The following AURKA variants were observed in gnomAD, a reference collection of about 807,000 sequenced individuals.
The protein encoded by AURKA is aurora kinase A.
Under a neutral mutation model 40.9 loss-of-function variants are expected in AURKA, and 12 were observed. The ratio of observed to expected loss-of-function variants is 0.29; its 90% CI spans 0.19 to 0.48. The LOEUF (loss-of-function observed/expected upper bound fraction) is 0.48, where lower values mean the gene tolerates loss of function less well. AURKA is among the 20% of genes least tolerant of loss of function. The pLI is 0.99. For synonymous variants in AURKA, 170 were observed against 164.3 expected, an observed-to-expected ratio of 1.03 and a Z score of -0.26; for missense variants, 322 against 462.1, an observed-to-expected ratio of 0.70 and a Z score of 2.78.
At chr20:56,386,618 AG>A in intron 2 of AURKA, 85 bp from the exon 3 acceptor site, 1 of 1,475,952 alleles carries the variant, frequency 6.8e-7, no homozygotes, top group South Asian at 1.2e-5. Flanking sequence ...TTTGTTCTCT[AG>A]TATAGCAAAA....
At chr20:56,389,963 C>T (rs1282977776) in intron 1 of AURKA, among the ~76,000 whole-genome samples, 1 of 152,198 alleles carries the variant, frequency 6.6e-6, no homozygotes, top group Admixed American at 6.5e-5. Context: ...AATGGCCTCC[C>T]CACTTCCACC....
chr20:56,391,431 G>C (rs1987098507), intron 1 of AURKA, among the ~76,000 whole-genome samples: 1 of 152,186 alleles, frequency 6.6e-6, no homozygotes, highest in Non-Finnish European at 1.5e-5. Flanking sequence ...CAGACGATTT[G>C]TATGCACCGG....
rs1354633707 is a variant in AURKA at position 56,384,297 on chromosome 20, G to A, written c.347C>T (p.Ser116Leu). The change falls in exon 4 of 9, where the codon TCA becomes TTA. Residue 116 changes from serine to leucine, a missense_variant. Physicochemically the swap from Ser to Leu is moderately radical, Grantham distance 145 (BLOSUM62 -2). Transcript: ENST00000395915. Reference sequence around the variant, plus strand: ...TTTTGATTCTTCATTTTTCTGTTTTGATGCCAGTTCCTCCTCAGGATTATT... The same window carrying A: ...TTTTGATTCTTCATTTTTCTGTTTTAATGCCAGTTCCTCCTCAGGATTATT... Reference protein sequence around the residue: ...PENNPEEELASKQKNEESKKR... With the variant: ...PENNPEEELALKQKNEESKKR... The A allele has an allele frequency of 6.2e-7, 1 of 1,601,844 alleles. No homozygotes were observed. The highest frequency in any genetic ancestry group is 8.5e-7 in the Non-Finnish European group (1 of 1,170,172).
Position 56,373,623 on chromosome 20 carries a change from C to A in AURKA, c.706-67G>T. On this transcript the variant is annotated intron_variant, in intron 6 of 8. Coordinates refer to ENST00000395915, the MANE Select transcript of AURKA (RefSeq NM_198437.3). This position sits in a 1 kb window ranked among gnomAD's most constrained non-coding sequence, Gnocchi z 5.0. ...TAACACAAGTTAATATTAGACATCTCTTCCGAAAGGAACACAACATAGATT... is the reference window on the plus strand; with the variant it reads ...TAACACAAGTTAATATTAGACATCTATTCCGAAAGGAACACAACATAGATT... 6.4e-7 allele frequency: 1 copy of A among 1,563,788 alleles called. No homozygotes were observed. Among genetic ancestry groups the A allele is most frequent in the South Asian group, 1.1e-5 (1 of 89,398 alleles).
chr20:56,386,265 G>A lies in AURKA; in HGVS notation c.311C>T (p.Ser104Leu), dbSNP rs2230743. The change falls in exon 3 of 9, where the codon TCG becomes TTG. Residue 104 changes from serine (S) to leucine (L), a missense_variant. Coordinates refer to ENST00000395915, the MANE Select transcript of AURKA (RefSeq NM_198437.3). ...CTCAAAAGCTAGTTTACCAGGTGCC[G>A]ATGGCAGGGGCTGCTTGCTCTTTTG... ...NTQKSKQPLP[S>L]APENNPEEEL... 553 of 1,614,260 alleles carry A rather than the reference G, an allele frequency of 3.4e-4. 6 individuals are homozygous for A. In the African/African-American group the frequency reaches 4.6e-3, roughly 13 times the overall value.
At chr20:56,386,205 T>C (rs1986335281) in intron 3 of AURKA, 52 bp downstream of exon 3, 3 of 1,610,290 alleles carry the variant, frequency 1.9e-6, no homozygotes, top group South Asian at 2.2e-5. Flanking sequence ...CTGGCTTTTT[T>C]AGCAACGACG....
rs1458040420 is a variant in AURKA at position 56,382,634 on chromosome 20, A to C, written c.566+351T>G. Among the ~76,000 whole-genome samples, 3 of 152,124 alleles carry C rather than the reference A, an allele frequency of 2.0e-5. No homozygotes were observed. The East Asian group carries it at 5.8e-4, about 29-fold the overall frequency. ...CAAGTGATTTTTCCAGGATCAGAGC[A>C]CTTAAGTGCTCTTTGAAAGATGACA... On this transcript the variant is annotated intron_variant, in intron 5 of 8. Coordinates refer to ENST00000395915, the MANE Select transcript of AURKA (RefSeq NM_198437.3).
In AURKA at chr20:56,386,547, G is replaced by GA. The variant is rs1569087952; in HGVS notation, c.43-15dup. 2.5e-6 allele frequency: 4 copies of GA among 1,614,130 alleles called. No individual in the cohort carries two copies. The highest frequency in any genetic ancestry group is 1.3e-5 in the African/African-American group (1 of 75,054). ...TGGAGCTGTAGCCTAGAATGGAAGA[G>GA]AAAATAAACTTTCTGGCATTCATGA... is the stretch of plus-strand genomic sequence containing the variant. On this transcript the variant is annotated splice_polypyrimidine_tract_variant and intron_variant, in intron 2 of 8. Transcript: ENST00000395915.
intron 8 of AURKA, 58 bp downstream of exon 8, chr20:56,370,427 A>G: frequency 6.2e-7 from 1 of 1,613,934 alleles, no homozygotes; most frequent in Non-Finnish European, 8.5e-7. Context: ...CCTGCAGTTC[A>G]GGCTGATAAG....
At chr20:56,377,833 A>C (rs1471348044) in intron 6 of AURKA, among the ~76,000 whole-genome samples, 1 of 152,206 alleles carries the variant, frequency 6.6e-6, no homozygotes, top group Non-Finnish European at 1.5e-5. Flanking sequence ...GGAAACTAGA[A>C]ATCAAAACAA....
At chr20:56,387,891 GCC>G in intron 2 of AURKA, among the ~76,000 whole-genome samples, 1 of 152,222 alleles carries the variant, frequency 6.6e-6, no homozygotes, top group African/African-American at 2.4e-5. Context: ...TTGAACTCCT[GCC>G]AGATGCATTA....
chr20:56,385,714 G>A (rs1314825999), intron 3 of AURKA, among the ~76,000 whole-genome samples: 1 of 152,154 alleles, frequency 6.6e-6, no homozygotes, highest in African/African-American at 2.4e-5. Flanking sequence ...ACCTGCCTCG[G>A]TCTCCCAAAG....
chr20:56,382,727 A>G (rs1381706099), intron 5 of AURKA, among the ~76,000 whole-genome samples: 1 of 152,224 alleles, frequency 6.6e-6, no homozygotes, highest in Non-Finnish European at 1.5e-5. Flanking sequence ...ACTTAAAAAA[A>G]AAAAAAGGAA....
intron 6 of AURKA, among the ~76,000 whole-genome samples, chr20:56,378,393 C>CCAAAGCTGCTTGGATCAACAA (rs1985229382): frequency 6.6e-6 from 1 of 152,118 alleles, no homozygotes; most frequent in Admixed American, 6.5e-5. Flanking sequence ...AACACTTTAC[C>CCAAAGCTGCTTGGATCAACAA]CTCATGCCCT....
chr20:56,382,975 G>A lies in AURKA; in HGVS notation c.566+10C>T. ...TGAACATTCTTTTGAACATGAACCT[G>A]AAAACTCACCGAAGGTGGGACTGTA... On this transcript the variant is annotated intron_variant, in intron 5 of 8. Transcript: ENST00000395915. 1.2e-6 allele frequency: 2 copies of A among 1,613,238 alleles called. No homozygotes were observed. The highest frequency in any genetic ancestry group is 1.7e-6 in the Non-Finnish European group (2 of 1,179,958).
In AURKA at chr20:56,370,230, G is replaced by A. The variant is rs1404454353; in HGVS notation, c.1140C>T (p.His380=). Reference sequence around the variant, plus strand: ...TTGATGAATTTGCTGTGATCCAGGGGTGTTCAAGTACTTCTCTGAGCATTG... The same window carrying A: ...TTGATGAATTTGCTGTGATCCAGGGATGTTCAAGTACTTCTCTGAGCATTG... The part of the protein sequence containing the change: ...QRPMLREVLE[H]PWITANSSKP... The change falls in exon 9 of 9, where the codon CAC becomes CAT. Residue 380 remains histidine (H), a synonymous_variant. Transcript: ENST00000395915. 1.7e-5 allele frequency: 27 copies of A among 1,614,062 alleles called. No individual in the cohort carries two copies. Among genetic ancestry groups the A allele is most frequent in the East Asian group, 1.6e-4 (7 of 44,886 alleles).
intron 3 of AURKA, among the ~76,000 whole-genome samples, chr20:56,384,984 C>G (rs1396737204): frequency 6.6e-6 from 1 of 152,200 alleles, no homozygotes. Flanking sequence ...GGTCCAAACT[C>G]TTCCTCCAGA....
In AURKA at chr20:56,380,841, CTTGAG is replaced by C. The variant is rs954195972; in HGVS notation, c.705+587_705+591del. Among the ~76,000 whole-genome samples the C allele has an allele frequency of 7.9e-5, 12 of 152,272 alleles. No individual in the cohort carries two copies. The South Asian group carries it at 1.0e-3, about 13-fold the overall frequency. ...TAAGAAAATCTGAATAAAATGTGGACTTGAGTTAATAGTTATATATCAATATTGGT... is the reference window on the plus strand; with the variant it reads ...TAAGAAAATCTGAATAAAATGTGGACTTAATAGTTATATATCAATATTGGT... On this transcript the variant is annotated intron_variant, in intron 6 of 8. Transcript: ENST00000395915.
intron 6 of AURKA, among the ~76,000 whole-genome samples, chr20:56,375,273 G>A (rs1326473801): frequency 2.0e-5 from 3 of 150,592 alleles, no homozygotes; most frequent in Admixed American, 6.6e-5. Flanking sequence ...GACTACAGGT[G>A]TGTGCCACCA....
Sources: allele counts gnomAD v4.1 joint callset (sites outside exome capture counted in the v4.1 genomes callset), GRCh38; gene constraint gnomAD v4.1.1; non-coding constraint Gnocchi (gnomAD v3.1); transcripts MANE v1.5; gene names NCBI Gene and HGNC (gene_info 2026-07-23, HGNC 2026-07-21).